The following SSC4D variants were observed in gnomAD, a reference collection of about 807,000 sequenced individuals.
SSC4D encodes scavenger receptor cysteine rich family member with 4 domains, also known as scavenger receptor cysteine-rich domain-containing group B protein.
SSC4D carries 57 observed loss-of-function variants against 63.4 expected under a neutral mutation model. That is an observed-to-expected ratio of 0.90 (90% confidence interval 0.73 to 1.12). The LOEUF (loss-of-function observed/expected upper bound fraction) is 1.12. Among genes scored for constraint, SSC4D ranks in the 50% most tolerant of loss-of-function variants. The pLI is 0.00. For missense variants in SSC4D, 791 were observed against 806.4 expected, an observed-to-expected ratio of 0.98 and a Z score of 0.23; for synonymous variants, 352 against 345.4, an observed-to-expected ratio of 1.02 and a Z score of -0.21.
Position 76,404,519 on chromosome 7 carries a change from T to A in SSC4D, c.-66-14A>T. On this transcript the variant is annotated splice_polypyrimidine_tract_variant and intron_variant, in intron 1 of 10. Transcript: ENST00000275560. ...CAGTTGGAACATCTGAAATTAAAGA[T>A]CCCAAATGTTGCTGGGCCTCCCAGC... 6.2e-7 allele frequency: 1 copy of A among 1,606,716 alleles called. No individual in the cohort carries two copies. The highest frequency in any genetic ancestry group is 1.1e-5 in the South Asian group (1 of 90,828).
chr7:76,390,431 A>G, intron 10 of SSC4D, 56 bp from the exon 11 acceptor site: 1 of 1,491,694 alleles, frequency 6.7e-7, no homozygotes, highest in Non-Finnish European at 8.9e-7. Context: ...GCCACTCCCA[A>G]GCTAGGTCAG....
chr7:76,409,363 A>G (rs1478433680), intron 1 of SSC4D, 51 bp downstream of exon 1: 1 of 150,266 alleles, frequency 6.7e-6, no homozygotes, highest in Non-Finnish European at 1.5e-5. Context: ...ACACACATGC[A>G]TGCACACGCA....
In SSC4D at chr7:76,390,338, C is replaced by G; in HGVS notation, c.1449G>C (p.Glu483Asp). The G allele has an allele frequency of 1.2e-6, 2 of 1,606,754 alleles. No homozygotes were observed. The highest frequency in any genetic ancestry group is 1.7e-6 in the Non-Finnish European group (2 of 1,175,720). ...GCCCTAGGTAGAGCTCTACACGTCCCTCGCATCGGTGGGCTCCATTGACCA... is the reference window on the plus strand; with the variant it reads ...GCCCTAGGTAGAGCTCTACACGTCCGTCGCATCGGTGGGCTCCATTGACCA... ...LRLVNGAHRC[E>D]GRVELYLGQR... The change falls in exon 11 of 11, where the codon GAG becomes GAC. Residue 483 changes from glutamate (E) to aspartate (D), a missense_variant. Glu to Asp is a conservative substitution (Grantham distance 45). Transcript: ENST00000275560.
intron 6 of SSC4D, among the ~76,000 whole-genome samples, chr7:76,396,433 C>T (rs1369959001): frequency 6.6e-6 from 1 of 152,256 alleles, no homozygotes; most frequent in Non-Finnish European, 1.5e-5. Context: ...AGAATTACGA[C>T]TGCAGACCTG....
chr7:76,393,715 A>G lies in SSC4D; in HGVS notation c.1023T>C (p.Ser341=). 2 of 1,386,990 alleles carry G rather than the reference A, an allele frequency of 1.4e-6. No homozygotes were observed. The highest frequency in any genetic ancestry group is 1.9e-6 in the Non-Finnish European group (2 of 1,077,398). The allele number at this position is 1,386,990 out of a possible 1,614,324, so 85.9% of individuals were successfully genotyped here. A position where few individuals can be genotyped will look rare whatever the true frequency, so the allele number is the denominator to read the frequency against. Reference sequence around the variant, plus strand: ...GGCCGCCCACCAGTCGCAGCCGTCCACCTGCGGGGCGCACAGGCCCGCGGC... The same window carrying G: ...GGCCGCCCACCAGTCGCAGCCGTCCGCCTGCGGGGCGCACAGGCCCGCGGC... ...TTAAWAAGKK[S]GRLRLVGGPG... is the part of the protein sequence containing the mutation. Residue 341 remains serine (S), a splice_region_variant and synonymous_variant, in exon 9 of 11, where the codon AGT becomes AGC. Coordinates refer to ENST00000275560, the MANE Select transcript of SSC4D (RefSeq NM_080744.2).
intron 9 of SSC4D, among the ~76,000 whole-genome samples, chr7:76,392,244 A>G (rs898914474): frequency 6.6e-6 from 1 of 152,130 alleles, no homozygotes; most frequent in Non-Finnish European, 1.5e-5. Flanking sequence ...CTGTAGTCCC[A>G]GCACTTTAAG....
chr7:76,403,545 C>T (rs1344847650), intron 2 of SSC4D, among the ~76,000 whole-genome samples: 1 of 151,822 alleles, frequency 6.6e-6, no homozygotes, highest in Non-Finnish European at 1.5e-5. Flanking sequence ...ACCATGTTGG[C>T]CGGGCTGGTC....
intron 1 of SSC4D, among the ~76,000 whole-genome samples, chr7:76,407,476 C>T (rs1429759604): frequency 2.0e-5 from 3 of 151,988 alleles, no homozygotes; most frequent in East Asian, 1.9e-4. Flanking sequence ...GGATTACAGG[C>T]GGGTATCACC....
chr7:76,389,599 T>A lies in SSC4D; in HGVS notation c.*460A>T, dbSNP rs558022530. The stretch of plus-strand genomic sequence containing the variant: ...GGGACCCAGGTTCCTCTGCAGCCCC[T>A]GAGGGCCCAAGGTAGGAGCTGTAGG... On this transcript the variant is annotated 3_prime_UTR_variant, in exon 11 of 11. Transcript: ENST00000275560. The A allele has an allele frequency of 1.2e-5, 2 of 170,162 alleles. No homozygotes were observed. The highest frequency in any genetic ancestry group is 2.6e-5 in the Non-Finnish European group (2 of 77,950). The allele number at this position is 170,162 out of a possible 1,614,324, so 10.5% of individuals were successfully genotyped here.
At chr7:76,407,821 C>T (rs930752434) in intron 1 of SSC4D, among the ~76,000 whole-genome samples, 4 of 152,214 alleles carry the variant, frequency 2.6e-5, no homozygotes, top group African/African-American at 9.6e-5. Flanking sequence ...AGAAGCCTCT[C>T]TCACGTCCCC....
intron 1 of SSC4D, among the ~76,000 whole-genome samples, chr7:76,407,020 G>A (rs1382838005): frequency 3.3e-5 from 5 of 152,238 alleles, no homozygotes; most frequent in African/African-American, 7.2e-5. Context: ...TAGTGCAGTG[G>A]CCTGATCTCA....
At chr7:76,398,309 A>ATTT (rs575917641) in intron 5 of SSC4D, among the ~76,000 whole-genome samples, 3 of 127,210 alleles carry the variant, frequency 2.4e-5, no homozygotes, top group African/African-American at 5.8e-5. Flanking sequence ...TTCATTTTCT[A>ATTT]TTTTTTTTTT....
At position 76,404,312 on chromosome 7, in the gene SSC4D, G is replaced by A; in HGVS notation, c.128C>T (p.Pro43Leu). The stretch of plus-strand genomic sequence containing the variant: ...GCTAACAGGGGAGGACTCACCCAGT[G>A]GCAGGAGGAGAAGGAAAGACAGGGC... Reference protein sequence around the residue: ...PQALSFLLLLPLASALQPTPL... With the variant: ...PQALSFLLLLLLASALQPTPL... The change falls in exon 2 of 11, where the codon CCA becomes CTA. Residue 43 changes from proline to leucine, a missense_variant. Physicochemically the swap from Pro to Leu is moderately conservative, Grantham distance 98. Coordinates refer to ENST00000275560, the MANE Select transcript of SSC4D (RefSeq NM_080744.2). The A allele has an allele frequency of 6.2e-7, 1 of 1,600,846 alleles. No individual in the cohort carries two copies.
At chr7:76,390,645 G>A (rs368423773) in intron 10 of SSC4D, among the ~76,000 whole-genome samples, 17 of 152,162 alleles carry the variant, frequency 1.1e-4, no homozygotes, top group Admixed American at 5.2e-4. Flanking sequence ...GTGAAACCCC[G>A]TCTCTACTAA....
Position 76,392,797 on chromosome 7 carries a change from G to GA in SSC4D, c.1333+607dup, listed in dbSNP as rs1205333808. On this transcript the variant is annotated intron_variant, in intron 9 of 10. Coordinates refer to ENST00000275560, the MANE Select transcript of SSC4D (RefSeq NM_080744.2). ...GACAGAGCAAGACTCTGTCTCAAAA[G>GA]AAAAAAAAAAAGAAATAGGTGTTGT... Among the ~76,000 whole-genome samples the GA allele has an allele frequency of 3.2e-3, 452 of 139,270 alleles. 3 individuals carry two copies. Among genetic ancestry groups the GA allele is most frequent in the African/African-American group, 7.7e-3 (295 of 38,188 alleles). 91.4% of individuals were successfully genotyped at this position (139,270 alleles called of 152,430 possible). A position where few individuals can be genotyped will look rare whatever the true frequency, so the allele number is the denominator to read the frequency against.
At chr7:76,404,258 C>T in intron 2 of SSC4D, 49 bp downstream of exon 2, 1 of 1,492,552 alleles carries the variant, frequency 6.7e-7, no homozygotes, top group Non-Finnish European at 8.9e-7. Context: ...GCTGGGACAA[C>T]TGAGATTCAG....
At chr7:76,396,945 T>C (rs1804654440) in intron 6 of SSC4D, among the ~76,000 whole-genome samples, 1 of 152,136 alleles carries the variant, frequency 6.6e-6, no homozygotes, top group Non-Finnish European at 1.5e-5. Context: ...CTGGGGCAAT[T>C]CTAGAGTGTT....
At position 76,404,487 on chromosome 7, in the gene SSC4D, G is replaced by A; in HGVS notation, c.-48C>T. On this transcript the variant is annotated 5_prime_UTR_variant, in exon 2 of 11. Transcript: ENST00000275560. ...GATGCTCCCATCAAGGCGCCAGGGA[G>A]AAGTCACAGTTGGAACATCTGAAAT... is the stretch of plus-strand genomic sequence containing the variant. The A allele has an allele frequency of 1.2e-6, 2 of 1,613,468 alleles. No individual in the cohort carries two copies. Among genetic ancestry groups the A allele is most frequent in the Non-Finnish European group, 1.7e-6 (2 of 1,179,950 alleles).
At chr7:76,395,359 A>G (rs1389280205) in intron 6 of SSC4D, 29 bp from the exon 7 acceptor site, 1 of 1,609,726 alleles carries the variant, frequency 6.2e-7, no homozygotes. Context: ...GGGCAGGGTC[A>G]GAGGCTGAGA....
Sources: gnomAD v4.1 joint callset for allele counts (sites outside exome capture counted in the v4.1 genomes callset) on GRCh38, gnomAD v4.1.1 for gene constraint, MANE v1.5 for transcripts, NCBI Gene and HGNC (gene_info 2026-07-23, HGNC 2026-07-21) for gene names.